HOMER2: variants seen among roughly 807,000 people sequenced by gnomAD.
HOMER2 encodes the protein homer scaffold protein 2.
A neutral mutation model predicts 47.0 loss-of-function variants in HOMER2; 27 were observed. The ratio of observed to expected loss-of-function variants is 0.57; its 90% CI spans 0.42 to 0.79. HOMER2 has a LOEUF of 0.79. Among genes scored for constraint, HOMER2 ranks in the 30% least tolerant of loss-of-function variants. The pLI is 0.00. For synonymous variants in HOMER2, 161 were observed against 163.8 expected, an observed-to-expected ratio of 0.98 and a Z score of 0.13; for missense variants, 443 against 435.0, an observed-to-expected ratio of 1.02 and a Z score of -0.16.
intron 1 of HOMER2, among the ~76,000 whole-genome samples, chr15:82,928,939 C>CAAAAAAAAAAAAAAAAAAAAAAA (rs1596362215): frequency 2.1e-4 from 4 of 18,696 alleles, no homozygotes; most frequent in Middle Eastern, 0.029. Context: ...AAAATAAAAA[C>CAAAAAAAAAAAAAAAAAAAAAAA]TAAAAAAAAA....
At chr15:82,954,507 T>A (rs1949240518), upstream of HOMER2, among the ~76,000 whole-genome samples, 3 of 150,876 alleles carry the variant, frequency 2.0e-5, no homozygotes, top group South Asian at 6.3e-4. Flanking sequence ...TTTCACCATG[T>A]TTCGATCTCC....
chr15:82,852,396 C>T (rs2051424961), intron 6 of HOMER2, 144 bp from the exon 7 acceptor site: 1 of 630,730 alleles, frequency 1.6e-6, no homozygotes, highest in Non-Finnish European at 2.7e-6. Context: ...TGGCTATGAA[C>T]AAACCCCATG....
At chr15:82,942,789 CT>C (rs1241442483) in intron 1 of HOMER2, among the ~76,000 whole-genome samples, 1 of 152,192 alleles carries the variant, frequency 6.6e-6, no homozygotes, top group Non-Finnish European at 1.5e-5. Context: ...TTCTCCCGGC[CT>C]TCCCGATCCT....
At chr15:82,878,994 G>T (rs2052439468) in intron 2 of HOMER2, among the ~76,000 whole-genome samples, 2 of 152,102 alleles carry the variant, frequency 1.3e-5, no homozygotes, top group African/African-American at 4.8e-5. Context: ...TTCTATTTGG[G>T]TATTTTCTAT....
intron 1 of HOMER2, among the ~76,000 whole-genome samples, chr15:82,929,934 T>C (rs1386974899): frequency 1.3e-5 from 2 of 152,084 alleles, no homozygotes; most frequent in East Asian, 3.9e-4. Context: ...TTCTCCATGT[T>C]GGTCAGGCTG....
intron 1 of HOMER2, among the ~76,000 whole-genome samples, chr15:82,962,281 C>T (rs1180750343): frequency 6.6e-6 from 1 of 151,002 alleles, no homozygotes; most frequent in Admixed American, 6.6e-5. Context: ...AGGAGAATGG[C>T]TCGAACCTGG....
chr15:82,974,762 C>T lies in HOMER2; in HGVS notation n.82+11025G>A, dbSNP rs551713441. Among the ~76,000 whole-genome samples the T allele has an allele frequency of 4.2e-4, 64 of 152,138 alleles. No individual in the cohort carries two copies. In the East Asian group the frequency reaches 0.011, roughly 27 times the overall value. ...CCCACTGTGAGCCACTGTGCCTAGC[C>T]GACATTTCTTAAAAGAAGACATACA... On this transcript the variant is annotated intron_variant and non_coding_transcript_variant, in intron 1 of 1. Transcript: ENST00000500334.
intron 1 of HOMER2, among the ~76,000 whole-genome samples, chr15:82,968,804 G>T (rs976768748): frequency 2.0e-5 from 3 of 152,208 alleles, no homozygotes; most frequent in African/African-American, 7.2e-5. Context: ...TATTTTGAGA[G>T]GGAGTGTGGA....
intron 1 of HOMER2, among the ~76,000 whole-genome samples, chr15:82,981,166 A>G (rs996100849): frequency 2.0e-5 from 3 of 152,220 alleles, no homozygotes; most frequent in Admixed American, 6.5e-5. Context: ...AAGCTGCCCA[A>G]TATCTCCCTC....
intron 5 of HOMER2, among the ~76,000 whole-genome samples, chr15:82,856,538 G>A (rs1370673767): frequency 6.6e-6 from 1 of 152,012 alleles, no homozygotes; most frequent in African/African-American, 2.4e-5. Flanking sequence ...GGGATCAGTC[G>A]AGCCCAGGAG....
chr15:82,850,870 C>T (rs976357112), intron 8 of HOMER2, among the ~76,000 whole-genome samples: 1 of 152,240 alleles, frequency 6.6e-6, no homozygotes, highest in African/African-American at 2.4e-5. Context: ...CGCTCCTCAC[C>T]CCCACCAGGG....
downstream of HOMER2, among the ~76,000 whole-genome samples, chr15:82,836,707 T>C (rs1567002991): frequency 6.6e-6 from 1 of 152,212 alleles, no homozygotes; most frequent in Non-Finnish European, 1.5e-5. Context: ...GCTAGGCCAG[T>C]CAGACTTGTG....
chr15:82,849,534 CA>C lies in HOMER2; in HGVS notation c.*180del. The C allele has an allele frequency of 3.3e-6, 2 of 597,776 alleles. No individual in the cohort carries two copies. The highest frequency in any genetic ancestry group is 4.4e-5 in the South Asian group (2 of 45,858). 37.0% of individuals were successfully genotyped at this position (597,776 alleles called of 1,614,324 possible). A position where few individuals can be genotyped will look rare whatever the true frequency, so the allele number is the denominator to read the frequency against. ...CCAGTTGTCCACAACCTCACAAGGC[CA>C]GAGAAGCGAGAGGAGATTTCTATTC... On this transcript the variant is annotated 3_prime_UTR_variant, in exon 9 of 9. Coordinates refer to ENST00000450735, the MANE Select transcript of HOMER2 (RefSeq NM_004839.4).
exon 2 of HOMER2, chr15:82,840,944 T>C (rs2051170633): frequency 6.6e-6 from 1 of 151,956 alleles, no homozygotes; most frequent in Non-Finnish European, 1.5e-5. Context: ...AAACAGAGCT[T>C]CCCAAGTTCT....
At chr15:82,928,876 A>T (rs1429309022) in intron 1 of HOMER2, among the ~76,000 whole-genome samples, 1 of 148,700 alleles carries the variant, frequency 6.7e-6, no homozygotes, top group African/African-American at 2.5e-5. Flanking sequence ...GATGAATCCT[A>T]TTACAGCCAG....
At chr15:82,909,380 T>G (rs1422957016) in intron 1 of HOMER2, among the ~76,000 whole-genome samples, 1 of 152,182 alleles carries the variant, frequency 6.6e-6, no homozygotes, top group African/African-American at 2.4e-5. Context: ...CTTTCCCCTG[T>G]TGGCTAGGGT....
rs958973956 is a variant in HOMER2, at chr15:82,974,962, C to T, written n.82+10825G>A. On this transcript the variant is annotated intron_variant and non_coding_transcript_variant, in intron 1 of 1. Coordinates refer to the HOMER2 transcript ENST00000500334. ...GTGGGCGCCTGTAATCCCAGCTACTCGGGAGGCTGAGGCAGGAGAATCACG... is the reference window on the plus strand; with the variant it reads ...GTGGGCGCCTGTAATCCCAGCTACTTGGGAGGCTGAGGCAGGAGAATCACG... 2.6e-5 allele frequency among the ~76,000 whole-genome samples: 4 copies of T among 152,216 alleles called. No homozygotes were observed. The South Asian group carries it at 6.2e-4, about 24-fold the overall frequency.
At chr15:82,908,979 G>A (rs1373956967) in intron 1 of HOMER2, among the ~76,000 whole-genome samples, 1 of 152,080 alleles carries the variant, frequency 6.6e-6, no homozygotes, top group Non-Finnish European at 1.5e-5. Flanking sequence ...AATCACAGTG[G>A]ATGAAACCAC....
At chr15:82,918,365 G>A (rs1385509189) in intron 1 of HOMER2, among the ~76,000 whole-genome samples, 1 of 152,116 alleles carries the variant, frequency 6.6e-6, no homozygotes, top group African/African-American at 2.4e-5. Context: ...GCAGGCAGAT[G>A]CTATTCTCAG....
Sources: gnomAD v4.1 joint callset for allele counts (sites outside exome capture counted in the v4.1 genomes callset) on GRCh38, gnomAD v4.1.1 for gene constraint, MANE v1.5 for transcripts, NCBI Gene and HGNC (gene_info 2026-07-23, HGNC 2026-07-21) for gene names.